Variants in CHPT1 observed in about 807,000 individuals in gnomAD.
CHPT1 encodes cholinephosphotransferase 1.
In CHPT1, 36 loss-of-function variants were observed where a neutral mutation model predicts 47.6. The observed-to-expected ratio is 0.76, with a 90% CI of 0.58 to 1.00. CHPT1 has a LOEUF of 1.00. CHPT1 is among the 50% of genes least tolerant of loss of function. CHPT1 has a pLI of 0.00. For synonymous variants in CHPT1, 194 were observed against 186.3 expected, an observed-to-expected ratio of 1.04 and a Z score of -0.33; for missense variants, 458 against 498.1, an observed-to-expected ratio of 0.92 and a Z score of 0.77.
chr12:101,714,326 T>C, intron 2 of CHPT1, 89 bp downstream of exon 2: 1 of 1,273,378 alleles, frequency 7.9e-7, no homozygotes, highest in Non-Finnish European at 1.1e-6. Flanking sequence ...TGGATATACA[T>C]TTGGGAGCAA....
chr12:101,705,176 C>G (rs1284941406), intron 1 of CHPT1, among the ~76,000 whole-genome samples: 18 of 136,094 alleles, frequency 1.3e-4, no homozygotes, highest in South Asian at 4.4e-4. Flanking sequence ...TGATCCTCCC[C>G]CCTCAGCCTC....
chr12:101,720,564 G>C (rs1468452479), intron 5 of CHPT1, among the ~76,000 whole-genome samples: 1 of 152,164 alleles, frequency 6.6e-6, no homozygotes, highest in Non-Finnish European at 1.5e-5. Flanking sequence ...AAAGGGTAGG[G>C]AATGTATGAG....
rs543648062 is a variant in CHPT1 at position 101,714,533 on chromosome 12, G to A, written c.451G>A (p.Ala151Thr). Reference sequence around the variant, plus strand: ...TATGGCAGTGGGAGCTTCAATTGCCGCTCGCTTAGGAACTTATCCTGACTG... The same window carrying A: ...TATGGCAGTGGGAGCTTCAATTGCCACTCGCTTAGGAACTTATCCTGACTG... Reference protein sequence around the residue: ...VFMAVGASIAARLGTYPDWFF... With the variant: ...VFMAVGASIATRLGTYPDWFF... Residue 151 changes from alanine to threonine, a missense_variant, in exon 3 of 9, where the codon GCT (alanine) becomes ACT (threonine). Physicochemically the swap from Ala to Thr is moderately conservative, Grantham distance 58. Transcript: ENST00000229266. The A allele has an allele frequency of 1.4e-5, 23 of 1,604,750 alleles. No homozygotes were observed. Among genetic ancestry groups the A allele is most frequent in the African/African-American group, 2.7e-5 (2 of 74,392 alleles).
intron 1 of CHPT1, among the ~76,000 whole-genome samples, chr12:101,701,154 C>G (rs1036563858): frequency 6.6e-6 from 1 of 152,162 alleles, no homozygotes; most frequent in African/African-American, 2.4e-5. Flanking sequence ...TTCAAGCCAT[C>G]ATTTCCAATA....
In CHPT1 at chr12:101,717,325, CTG is replaced by C. The variant is rs1052284631; in HGVS notation, c.648+515_648+516del. 6.6e-6 allele frequency: 3 copies of C among 453,330 alleles called. No homozygotes were observed. The Admixed American group carries it at 7.1e-5, about 11-fold the overall frequency. The allele number at this position is 453,330 out of a possible 1,614,324, so 28.1% of individuals were successfully genotyped here. The stretch of plus-strand genomic sequence containing the variant: ...ATAAAAGTTGGCTCTTAGGAGGCCA[CTG>C]TCATAAATTCAAGCTTTTTTGCAAA... On this transcript the variant is annotated intron_variant, in intron 4 of 8. Coordinates refer to ENST00000229266, the MANE Select transcript of CHPT1 (RefSeq NM_020244.3).
At chr12:101,728,004 C>T (rs1952008150) in intron 8 of CHPT1, 1 of 152,262 alleles carries the variant, frequency 6.6e-6, no homozygotes, top group Non-Finnish European at 1.5e-5. Context: ...AATCCCAGCA[C>T]TTTGGGAGGC....
chr12:101,720,379 C>A, intron 5 of CHPT1, 125 bp downstream of exon 5: 2 of 804,166 alleles, frequency 2.5e-6, no homozygotes, highest in Non-Finnish European at 4.0e-6. Context: ...TTAAAGAATT[C>A]ATTTTAGGCA....
chr12:101,725,199 AATAACGTAATATTC>A (rs1253865225), intron 7 of CHPT1, among the ~76,000 whole-genome samples: 2 of 151,436 alleles, frequency 1.3e-5, no homozygotes, highest in Non-Finnish European at 1.5e-5. Flanking sequence ...GGAGTAACTT[AATAACGTAATATTC>A]ATTCATAGTC....
At position 101,714,318 on chromosome 12, in the gene CHPT1, G is replaced by T. The variant is rs187067741; in HGVS notation, c.421+81G>T. On this transcript the variant is annotated intron_variant, in intron 2 of 8. Transcript: ENST00000229266. The stretch of plus-strand genomic sequence containing the variant: ...AGCTGTTTGGTCAGTTTTTTGGATG[G>T]ATATACATTTGGGAGCAAATGTATG... 6 of 1,320,404 alleles carry T rather than the reference G, an allele frequency of 4.5e-6. No homozygotes were observed. The Admixed American group carries it at 1.4e-4, about 32-fold the overall frequency. The allele number at this position is 1,320,404 out of a possible 1,614,324, so 81.8% of individuals were successfully genotyped here. A position where few individuals can be genotyped will look rare whatever the true frequency, so the allele number is the denominator to read the frequency against.
Position 101,716,912 on chromosome 12 carries a change from TA to T in CHPT1, c.648+102del, listed in dbSNP as rs1171241561. ...CTTCAAAAATCCTTGGCATTGTATT[TA>T]ATTTTTTTTTTTTAATTGGTGTATT... On this transcript the variant is annotated intron_variant, in intron 4 of 8. Coordinates refer to ENST00000229266, the MANE Select transcript of CHPT1 (RefSeq NM_020244.3). 7.5e-5 allele frequency: 52 copies of T among 695,902 alleles called. No homozygotes were observed. In the East Asian group the frequency reaches 1.1e-3, roughly 15 times the overall value. 43.1% of individuals were successfully genotyped at this position (695,902 alleles called of 1,614,324 possible).
intron 1 of CHPT1, among the ~76,000 whole-genome samples, chr12:101,698,687 G>A (rs1002077089): frequency 6.6e-6 from 1 of 152,128 alleles, no homozygotes; most frequent in Non-Finnish European, 1.5e-5. Context: ...ACTTTTTCAA[G>A]AAAAACAAAC....
intron 1 of CHPT1, among the ~76,000 whole-genome samples, chr12:101,702,984 AATGTGG>A (rs1280679720): frequency 2.6e-5 from 4 of 152,140 alleles, no homozygotes; most frequent in Admixed American, 6.6e-5. Context: ...CTCTTCAGAT[AATGTGG>A]AGGTAGCTTC....
At chr12:101,709,388 CA>C (rs544323245) in intron 1 of CHPT1, among the ~76,000 whole-genome samples, 18,452 of 71,332 alleles carry the variant, frequency 0.26, 1,430 homozygotes, top group Middle Eastern at 0.38. Flanking sequence ...AGACCTGTGT[CA>C]AAAAAAAAAA....
At chr12:101,727,729 A>ATAAT (rs1951996075) in intron 8 of CHPT1, 1 of 152,178 alleles carries the variant, frequency 6.6e-6, no homozygotes, top group African/African-American at 2.4e-5. Context: ...TTATATTCTA[A>ATAAT]TAATATATAC....
At chr12:101,713,928 C>A (rs1182169717) in intron 1 of CHPT1, among the ~76,000 whole-genome samples, 162 bp from the exon 2 acceptor site, 1 of 152,208 alleles carries the variant, frequency 6.6e-6, no homozygotes, top group African/African-American at 2.4e-5. Flanking sequence ...TGACTTAAAG[C>A]AGTTAATTTG....
At chr12:101,716,650 A>G in intron 3 of CHPT1, 78 bp from the exon 4 acceptor site, 1 of 816,054 alleles carries the variant, frequency 1.2e-6, no homozygotes, top group Non-Finnish European at 1.9e-6. Context: ...CATCTTTGCT[A>G]TTTAATATGT....
intron 1 of CHPT1, among the ~76,000 whole-genome samples, chr12:101,710,662 G>A (rs908982436): frequency 6.7e-6 from 1 of 148,764 alleles, no homozygotes; most frequent in African/African-American, 2.4e-5. Context: ...ACCACCAGTT[G>A]TGGTGTAAGG....
At chr12:101,723,097 G>A in intron 5 of CHPT1, 71 bp from the exon 6 acceptor site, 2 of 1,382,156 alleles carry the variant, frequency 1.4e-6, no homozygotes, top group Non-Finnish European at 2.1e-6. Context: ...AAAATAGATG[G>A]TCAGAAAATG....
chr12:101,705,192 C>T (rs896337636), intron 1 of CHPT1, among the ~76,000 whole-genome samples: 14 of 135,882 alleles, frequency 1.0e-4, no homozygotes, highest in Non-Finnish European at 2.1e-4. Context: ...GCCTCCCAAG[C>T]AGCTGGGATT....
Sources: gnomAD v4.1 joint callset for allele counts (sites outside exome capture counted in the v4.1 genomes callset) on GRCh38, gnomAD v4.1.1 for gene constraint, MANE v1.5 for transcripts, NCBI Gene and HGNC (gene_info 2026-07-23, HGNC 2026-07-21) for gene names.